ZFP64: variants seen among roughly 807,000 people sequenced by gnomAD.
ZFP64 encodes zinc finger protein 64.
In ZFP64, 14 loss-of-function variants were observed where a neutral mutation model predicts 51.6. The ratio of observed to expected loss-of-function variants is 0.27; its 90% CI spans 0.18 to 0.42. The LOEUF (loss-of-function observed/expected upper bound fraction) is 0.42. Ranked by LOEUF, ZFP64 falls within the 10% of genes least tolerant of loss-of-function variation. ZFP64 has a pLI of 1.00. For synonymous variants in ZFP64, 375 were observed against 361.4 expected (o/e 1.04, Z -0.43); for missense variants, 754 against 906.8 (o/e 0.83, Z 2.16).
intron 7 of ZFP64, among the ~76,000 whole-genome samples, chr20:52,093,069 GC>G (rs1354291489): frequency 6.6e-6 from 1 of 152,114 alleles, no homozygotes; most frequent in Non-Finnish European, 1.5e-5. Context: ...GTTGTCAAGG[GC>G]CACTGTGTGG....
At chr20:52,097,380 G>T (rs1489325151) in exon 7 of ZFP64, 4 of 1,613,076 alleles carry the variant, frequency 2.5e-6, no homozygotes, top group Non-Finnish European at 3.4e-6. Context: ...TACCCGTGTG[G>T]ATTCTGAGAT....
intron 7 of ZFP64, among the ~76,000 whole-genome samples, chr20:52,091,923 G>A (rs1178569266): frequency 1.3e-5 from 2 of 151,802 alleles, no homozygotes; most frequent in Non-Finnish European, 2.9e-5. Context: ...CCAGGAGGTG[G>A]AGGTTGCGGT....
At position 52,152,079 on chromosome 20, in the gene ZFP64, T is replaced by A; in HGVS notation, c.*67A>T. On this transcript the variant is annotated 3_prime_UTR_variant, in exon 6 of 6. Transcript: ENST00000216923. ...AAGAAAACATTAAGAGCAAACCTTT[T>A]AGAGAATTCTACTTAAGATTTCTTT... The A allele has an allele frequency of 6.5e-7, 1 of 1,543,454 alleles. No homozygotes were observed. The highest frequency in any genetic ancestry group is 1.3e-5 in the South Asian group (1 of 78,920).
intron 1 of ZFP64, among the ~76,000 whole-genome samples, chr20:52,190,560 C>A (rs1984295550): frequency 6.6e-6 from 1 of 152,072 alleles, no homozygotes. Flanking sequence ...CCGCCAGTCC[C>A]CCAGCATGTT....
chr20:52,166,542 C>A (rs141270273), intron 2 of ZFP64, among the ~76,000 whole-genome samples: 4 of 151,814 alleles, frequency 2.6e-5, no homozygotes, highest in Admixed American at 6.6e-5. Context: ...GCAGCCTTGA[C>A]CTTCCAGGCT....
rs1600698745 is a variant in ZFP64, at chr20:52,097,813, C to T, written c.914-378G>A. Among the ~76,000 whole-genome samples, 4 of 152,210 alleles carry T rather than the reference C, an allele frequency of 2.6e-5. No homozygotes were observed. The South Asian group carries it at 8.3e-4, about 32-fold the overall frequency. On this transcript the variant is annotated intron_variant, in intron 6 of 8. Coordinates refer to the ZFP64 transcript ENST00000361387. The stretch of plus-strand genomic sequence containing the variant: ...AGTTGAGTGTGGTGGCCCACACCTG[C>T]CATCCCCGAGCTTGGGAGACCAAGG...
chr20:52,110,601 C>T (rs1285192615), intron 5 of ZFP64: 8 of 786,184 alleles, frequency 1.0e-5, no homozygotes. Flanking sequence ...CCTAGCGGGC[C>T]TCCACGCCAG....
At chr20:52,182,050 G>C (rs1039353894) in intron 2 of ZFP64, among the ~76,000 whole-genome samples, 1 of 152,166 alleles carries the variant, frequency 6.6e-6, no homozygotes, top group Non-Finnish European at 1.5e-5. Flanking sequence ...TAATAAAAGC[G>C]ATCGCTCATT....
intron 5 of ZFP64, among the ~76,000 whole-genome samples, chr20:52,156,651 A>G (rs977447091): frequency 6.6e-6 from 1 of 152,240 alleles, no homozygotes; most frequent in Non-Finnish European, 1.5e-5. Flanking sequence ...TCACTGTGAC[A>G]ACAGACAATG....
intron 5 of ZFP64, among the ~76,000 whole-genome samples, chr20:52,130,284 G>A (rs1979661518): frequency 6.6e-6 from 1 of 152,094 alleles, no homozygotes; most frequent in Non-Finnish European, 1.5e-5. Context: ...CACAATCATG[G>A]CTCACTGCAG....
intron 1 of ZFP64, among the ~76,000 whole-genome samples, chr20:52,187,396 C>A (rs1020165082): frequency 6.6e-6 from 1 of 151,912 alleles, no homozygotes; most frequent in Non-Finnish European, 1.5e-5. Flanking sequence ...CTGAGGCGGG[C>A]GGATCACCTG....
chr20:52,175,880 TAATTCATTTTCTGAGAGAAAAGAGAA>T, intron 2 of ZFP64: 1 of 184,272 alleles, frequency 5.4e-6, no homozygotes, highest in Non-Finnish European at 6.8e-6. Context: ...GCCCCCAAAA[TAATTCATTTTCTGAGAGAAAAGAGAA>T]AATCCACCCC....
chr20:52,144,592 A>AAAAAAAAAAAAAAAAAAAAAAAAAAAAAG (rs1980428135), intron 5 of ZFP64, among the ~76,000 whole-genome samples: 1 of 147,406 alleles, frequency 6.8e-6, no homozygotes, highest in Non-Finnish European at 1.5e-5. Context: ...AAAAAAAAAA[A>AAAAAAAAAAAAAAAAAAAAAAAAAAAAAG]AAAAAAAAAA....
chr20:52,175,521 C>T (rs900435027), intron 2 of ZFP64, among the ~76,000 whole-genome samples: 3 of 152,210 alleles, frequency 2.0e-5, no homozygotes, highest in Non-Finnish European at 4.4e-5. Flanking sequence ...TCTTGATCTC[C>T]AGGCAAGTAT....
At chr20:52,108,169 T>C (rs111468304) in intron 5 of ZFP64, among the ~76,000 whole-genome samples, 1,731 of 152,164 alleles carry the variant, frequency 0.011, 26 homozygotes, top group African/African-American at 0.039. Flanking sequence ...AGGCAGTGAG[T>C]CATGGTTGCG....
chr20:52,109,795 A>AG lies in ZFP64; in HGVS notation c.764-11209_764-11208insC, dbSNP rs1213123618. On this transcript the variant is annotated intron_variant, in intron 5 of 8. Coordinates refer to the ZFP64 transcript ENST00000361387. The stretch of plus-strand genomic sequence containing the variant: ...AATTCCACCTCAAAAAAAAAAAAAA[A>AG]AAAAAAAGAAAAAAATTTGTTGCTA... Among the ~76,000 whole-genome samples, 372 of 151,570 alleles carry AG rather than the reference A, an allele frequency of 2.5e-3. 4 individuals carry two copies. The highest frequency in any genetic ancestry group is 8.5e-3 in the African/African-American group (350 of 41,282).
At chr20:52,127,300 A>G (rs918004968) in intron 5 of ZFP64, among the ~76,000 whole-genome samples, 16 of 151,962 alleles carry the variant, frequency 1.1e-4, no homozygotes, top group African/African-American at 3.9e-4. Flanking sequence ...TTTTCTTTTA[A>G]AGGGAAGATT....
At chr20:52,113,022 AT>A (rs1306322924) in intron 5 of ZFP64, among the ~76,000 whole-genome samples, 1 of 152,104 alleles carries the variant, frequency 6.6e-6, no homozygotes, top group Non-Finnish European at 1.5e-5. Context: ...GGCACAAATG[AT>A]TCCCCAAAGA....
intron 7 of ZFP64, among the ~76,000 whole-genome samples, chr20:52,095,065 T>C (rs1424280677): frequency 1.3e-5 from 2 of 152,212 alleles, no homozygotes; most frequent in South Asian, 2.1e-4. Flanking sequence ...TATTTGCATA[T>C]GTTAATTTAC....
Sources: gnomAD v4.1 joint callset for allele counts (sites outside exome capture counted in the v4.1 genomes callset) on GRCh38, gnomAD v4.1.1 for gene constraint, MANE v1.5 for transcripts, NCBI Gene and HGNC (gene_info 2026-07-23, HGNC 2026-07-21) for gene names.